Variants in ADAMTS17 observed in about 807,000 individuals in gnomAD.
The protein encoded by ADAMTS17 is A disintegrin and metalloproteinase with thrombospondin motifs 17.
ADAMTS17 carries 113 observed loss-of-function variants against 141.5 expected under a neutral mutation model. The ratio of observed to expected loss-of-function variants is 0.80; its 90% CI spans 0.69 to 0.93. The LOEUF (loss-of-function observed/expected upper bound fraction) is 0.93. ADAMTS17 is among the 40% of genes least tolerant of loss of function. The pLI, the probability that ADAMTS17 is intolerant of heterozygous loss-of-function variation, is 0.00. For synonymous variants in ADAMTS17, 768 were observed against 630.6 expected, an observed-to-expected ratio of 1.22 and a Z score of -3.27; for missense variants, 1,659 against 1,517.9, an observed-to-expected ratio of 1.09 and a Z score of -1.54.
chr15:100,088,902 T>G (rs535313329), intron 15 of ADAMTS17, among the ~76,000 whole-genome samples: 37 of 152,116 alleles, frequency 2.4e-4, no homozygotes, highest in South Asian at 4.2e-4. Context: ...GAAAACCTAG[T>G]CATTACCATT....
At chr15:100,176,038 T>TG (rs2040327435) in intron 8 of ADAMTS17, among the ~76,000 whole-genome samples, 1 of 152,242 alleles carries the variant, frequency 6.6e-6, no homozygotes, top group Non-Finnish European at 1.5e-5. Flanking sequence ...CAGGCCCTGC[T>TG]GCCCAGGCCA....
chr15:100,213,733 T>C (rs569695497), intron 7 of ADAMTS17, among the ~76,000 whole-genome samples: 1 of 152,314 alleles, frequency 6.6e-6, no homozygotes, highest in East Asian at 1.9e-4. Flanking sequence ...ACATAACCTT[T>C]GAGTATCAAA....
At chr15:100,299,718 A>G (rs1428821623) in intron 3 of ADAMTS17, among the ~76,000 whole-genome samples, 1 of 152,198 alleles carries the variant, frequency 6.6e-6, no homozygotes, top group Non-Finnish European at 1.5e-5. Flanking sequence ...AGGATGTAAG[A>G]GAAACTTCAG....
intron 10 of ADAMTS17, among the ~76,000 whole-genome samples, chr15:100,142,662 A>G (rs983886272): frequency 2.0e-5 from 3 of 152,194 alleles, no homozygotes; most frequent in Non-Finnish European, 4.4e-5. Context: ...CCTGTTCAAG[A>G]ACAGAGGCAG....
chr15:100,237,156 C>A (rs1448149233), intron 7 of ADAMTS17, among the ~76,000 whole-genome samples: 1 of 152,316 alleles, frequency 6.6e-6, no homozygotes, highest in South Asian at 2.1e-4. Context: ...GCTCCACCAT[C>A]GTGTCACTAT....
Position 99,997,141 on chromosome 15 carries a change from T to C in ADAMTS17, c.2796+244A>G, listed in dbSNP as rs564244825. On this transcript the variant is annotated intron_variant, in intron 19 of 21. Transcript: ENST00000268070. This position sits in a 1 kb window ranked among gnomAD's most constrained non-coding sequence, Gnocchi z 4.7. ...TCCTATCTTGATGTGAGAATTTTCA[T>C]AGGAAATGGGATCAAACAGTCCTTC... is the stretch of plus-strand genomic sequence containing the variant. 2.6e-5 allele frequency among the ~76,000 whole-genome samples: 4 copies of C among 152,328 alleles called. No homozygotes were observed. The highest frequency in any genetic ancestry group is 1.9e-4 in the East Asian group (1 of 5,194).
intron 15 of ADAMTS17, among the ~76,000 whole-genome samples, chr15:100,073,905 A>G (rs573609553): frequency 2.6e-5 from 2 of 75,500 alleles, no homozygotes; most frequent in South Asian, 5.9e-4. Flanking sequence ...CCTAAAACTT[A>G]AAGTATAATT....
rs191191512 is a variant in ADAMTS17, at chr15:99,972,230, A to C, written c.*2172T>G. 2 of 152,100 alleles carry C rather than the reference A, an allele frequency of 1.3e-5. No individual in the cohort carries two copies. The highest frequency in any genetic ancestry group is 2.9e-5 in the Non-Finnish European group (2 of 68,082). 9.4% of individuals were successfully genotyped at this position (152,100 alleles called of 1,614,324 possible). On this transcript the variant is annotated 3_prime_UTR_variant, in exon 22 of 22. Coordinates refer to ENST00000268070, the MANE Select transcript of ADAMTS17 (RefSeq NM_139057.4). ...CGCGCCACTGCACTCCAGCCTGGGC[A>C]ACAGAGGGAGACTCTGTCTCAAAAA...
intron 8 of ADAMTS17, among the ~76,000 whole-genome samples, chr15:100,156,748 G>A (rs368693230): frequency 1.4e-4 from 21 of 152,184 alleles, no homozygotes; most frequent in African/African-American, 4.8e-4. Flanking sequence ...AACTGTGAAA[G>A]ATGAATAAAT....
chr15:100,181,093 G>A (rs765255067), intron 8 of ADAMTS17, among the ~76,000 whole-genome samples: 12 of 152,090 alleles, frequency 7.9e-5, no homozygotes, highest in East Asian at 5.8e-4. Flanking sequence ...TGTGGCCACC[G>A]CCACCACACA....
At position 99,997,688 on chromosome 15, in the gene ADAMTS17, G is replaced by C; in HGVS notation, c.2592-99C>G. On this transcript the variant is annotated intron_variant, in intron 18 of 21. Transcript: ENST00000268070. The surrounding 1 kb of genome is among the most constrained non-coding windows in gnomAD (Gnocchi z 4.7). ...ATCCTGGAATTGCTGCCCTGTGGTG[G>C]GAGAGAGGGAGGCAGACTCAGGAAG... The C allele has an allele frequency of 6.9e-7, 1 of 1,458,292 alleles. No individual in the cohort carries two copies. Among genetic ancestry groups the C allele is most frequent in the Non-Finnish European group, 9.5e-7 (1 of 1,050,584 alleles). The allele number at this position is 1,458,292 out of a possible 1,614,324, so 90.3% of individuals were successfully genotyped here. A position where few individuals can be genotyped will look rare whatever the true frequency, so the allele number is the denominator to read the frequency against.
intron 14 of ADAMTS17, among the ~76,000 whole-genome samples, chr15:100,102,692 A>C (rs2036190432): frequency 6.6e-6 from 1 of 152,078 alleles, no homozygotes; most frequent in South Asian, 2.1e-4. Flanking sequence ...AGGGAAATTG[A>C]CCTCTAACCC....
chr15:100,218,602 T>C (rs1039843627), intron 7 of ADAMTS17, among the ~76,000 whole-genome samples: 1 of 152,176 alleles, frequency 6.6e-6, no homozygotes, highest in Admixed American at 6.5e-5. Flanking sequence ...GAAAACAGAA[T>C]CTTCCTACAC....
chr15:100,169,915 C>T (rs1056594942), intron 8 of ADAMTS17, among the ~76,000 whole-genome samples: 17 of 151,962 alleles, frequency 1.1e-4, no homozygotes, highest in East Asian at 3.9e-4. Context: ...GGGCCACTCC[C>T]GGGGGCACTC....
intron 10 of ADAMTS17, among the ~76,000 whole-genome samples, chr15:100,151,239 G>A (rs1053808889): frequency 6.6e-6 from 1 of 152,222 alleles, no homozygotes; most frequent in Non-Finnish European, 1.5e-5. Flanking sequence ...CAGGGCAGAA[G>A]CAGCACTACA....
At chr15:100,170,370 A>G (rs1474190026) in intron 8 of ADAMTS17, among the ~76,000 whole-genome samples, 1 of 152,202 alleles carries the variant, frequency 6.6e-6, no homozygotes, top group African/African-American at 2.4e-5. Flanking sequence ...ACTGAAGTCC[A>G]GAGAGAAGCA....
chr15:100,009,498 T>C (rs1203023742), intron 18 of ADAMTS17, among the ~76,000 whole-genome samples: 1 of 152,166 alleles, frequency 6.6e-6, no homozygotes, highest in Non-Finnish European at 1.5e-5. Context: ...CTGTGCCACC[T>C]TGGGGGAGTC....
intron 7 of ADAMTS17, among the ~76,000 whole-genome samples, chr15:100,239,190 C>T (rs1257443723): frequency 1.3e-5 from 2 of 152,260 alleles, no homozygotes; most frequent in Non-Finnish European, 2.9e-5. Flanking sequence ...TCGGGCAAGA[C>T]ATCTCCCTCT....
intron 4 of ADAMTS17, among the ~76,000 whole-genome samples, chr15:100,279,656 G>C (rs1161667848): frequency 1.3e-5 from 2 of 152,194 alleles, no homozygotes; most frequent in East Asian, 3.9e-4. Flanking sequence ...AGGTTCTTCT[G>C]TTATGGCTGG....
Sources: allele counts gnomAD v4.1 joint callset (sites outside exome capture counted in the v4.1 genomes callset), GRCh38; gene constraint gnomAD v4.1.1; non-coding constraint Gnocchi (gnomAD v3.1); transcripts MANE v1.5; gene names NCBI Gene and HGNC (gene_info 2026-07-23, HGNC 2026-07-21).